PTPRO: variants seen among roughly 807,000 people sequenced by gnomAD.
PTPRO encodes the protein receptor-type tyrosine-protein phosphatase O.
In PTPRO, 62 loss-of-function variants were observed where a neutral mutation model predicts 145.2. The observed-to-expected ratio is 0.43, with a 90% CI of 0.35 to 0.53. PTPRO has a LOEUF of 0.53. PTPRO is among the 20% of genes least tolerant of loss of function. The pLI is 0.01. For missense variants in PTPRO, 1,345 were observed against 1,482.7 expected, an observed-to-expected ratio of 0.91 and a Z score of 1.53; for synonymous variants, 565 against 514.7, an observed-to-expected ratio of 1.10 and a Z score of -1.32.
rs548617779 is a variant in PTPRO, at chr12:15,421,654, A to T, written c.76-62320A>T. 2.6e-5 allele frequency among the ~76,000 whole-genome samples: 4 copies of T among 152,338 alleles called. No homozygotes were observed. In the South Asian group the frequency reaches 8.3e-4, roughly 32 times the overall value. ...AAAAGAGTGTATTATTCTGTATCAC[A>T]ATGGTATCAGATTGTTTATTTTGGA... On this transcript the variant is annotated intron_variant, in intron 1 of 26. Coordinates refer to ENST00000281171, the MANE Select transcript of PTPRO (RefSeq NM_030667.3).
chr12:15,595,088 C>T (rs1420616938), intron 26 of PTPRO, 31 bp downstream of exon 26: 1 of 1,380,058 alleles, frequency 7.2e-7, no homozygotes, highest in South Asian at 1.2e-5. Context: ...CACGAGTGCT[C>T]AGTCTTAGAA....
chr12:15,594,632 T>C (rs967278477), intron 25 of PTPRO, among the ~76,000 whole-genome samples: 4 of 152,014 alleles, frequency 2.6e-5, no homozygotes, highest in Non-Finnish European at 5.9e-5. Flanking sequence ...TCATAACATA[T>C]ATGTATATCA....
chr12:15,324,431 C>A lies in PTPRO; in HGVS notation c.75+1630C>A, dbSNP rs557492531. Among the ~76,000 whole-genome samples the A allele has an allele frequency of 2.8e-4, 42 of 152,036 alleles. No homozygotes were observed. The South Asian group carries it at 8.7e-3, about 32-fold the overall frequency. ...TGTGGCCATTGTTTGACTTAAAACT[C>A]GATATTGGAATGAGAAAATGCAGTT... On this transcript the variant is annotated intron_variant, in intron 1 of 26. Transcript: ENST00000281171.
intron 15 of PTPRO, among the ~76,000 whole-genome samples, chr12:15,556,288 G>A (rs1025584381): frequency 1.3e-5 from 2 of 152,062 alleles, no homozygotes; most frequent in Non-Finnish European, 2.9e-5. Context: ...GAAGAAAATT[G>A]TTCTTGGAAC....
chr12:15,397,590 A>G (rs1939376552), intron 1 of PTPRO, among the ~76,000 whole-genome samples: 1 of 152,092 alleles, frequency 6.6e-6, no homozygotes, highest in African/African-American at 2.4e-5. Context: ...GACATCCACA[A>G]CCCTCAGTGC....
chr12:15,432,968 A>G (rs1940485718), intron 1 of PTPRO, among the ~76,000 whole-genome samples: 1 of 151,954 alleles, frequency 6.6e-6, no homozygotes, highest in Admixed American at 6.6e-5. Context: ...CTCTGTTGAT[A>G]GTTTTCATTT....
intron 1 of PTPRO, among the ~76,000 whole-genome samples, chr12:15,437,265 A>C (rs1940623459): frequency 6.6e-6 from 1 of 151,784 alleles, no homozygotes; most frequent in African/African-American, 2.4e-5. Flanking sequence ...GAAGATCTCC[A>C]GGCATTCAGA....
chr12:15,437,503 C>T (rs1349170189), intron 1 of PTPRO, among the ~76,000 whole-genome samples: 1 of 152,142 alleles, frequency 6.6e-6, no homozygotes, highest in African/African-American at 2.4e-5. Flanking sequence ...TCTGGTTCAG[C>T]AGCCTGAGCT....
At chr12:15,358,521 G>A (rs1365666954) in intron 1 of PTPRO, among the ~76,000 whole-genome samples, 2 of 152,058 alleles carry the variant, frequency 1.3e-5, no homozygotes, top group Non-Finnish European at 2.9e-5. Flanking sequence ...CTTCAACCAC[G>A]ACCTGATATT....
intron 1 of PTPRO, among the ~76,000 whole-genome samples, chr12:15,463,457 A>G (rs1941349844): frequency 6.6e-6 from 1 of 152,198 alleles, no homozygotes; most frequent in Non-Finnish European, 1.5e-5. Context: ...GAAACAAATT[A>G]TAACATAGTC....
chr12:15,450,179 C>T (rs1941008937), intron 1 of PTPRO, among the ~76,000 whole-genome samples: 1 of 152,180 alleles, frequency 6.6e-6, no homozygotes, highest in African/African-American at 2.4e-5. Flanking sequence ...ATGGCAGTGG[C>T]CTGCATTCAG....
chr12:15,531,400 A>G (rs2136538944), intron 12 of PTPRO, among the ~76,000 whole-genome samples: 1 of 152,310 alleles, frequency 6.6e-6, no homozygotes, highest in East Asian at 1.9e-4. Context: ...GGATAAGGAA[A>G]AACAGATACT....
intron 1 of PTPRO, chr12:15,439,871 C>G: frequency 1.6e-6 from 1 of 639,634 alleles, no homozygotes; most frequent in African/African-American, 1.8e-5. Context: ...GAAGCAGACC[C>G]ACGTCGGCCA....
At chr12:15,445,147 A>AG (rs1219371083) in intron 1 of PTPRO, among the ~76,000 whole-genome samples, 1 of 152,160 alleles carries the variant, frequency 6.6e-6, no homozygotes, top group Non-Finnish European at 1.5e-5. Context: ...AAAGAACAAG[A>AG]GCAGGTTTAA....
At chr12:15,377,238 A>C (rs1241926942) in intron 1 of PTPRO, among the ~76,000 whole-genome samples, 1 of 152,142 alleles carries the variant, frequency 6.6e-6, no homozygotes, top group Admixed American at 6.5e-5. Context: ...GGTACACTAG[A>C]AAATATCTAC....
At chr12:15,471,254 C>T (rs925188418) in intron 1 of PTPRO, among the ~76,000 whole-genome samples, 5 of 152,096 alleles carry the variant, frequency 3.3e-5, no homozygotes, top group Non-Finnish European at 5.9e-5. Flanking sequence ...GTGTCGCATG[C>T]CTGTGGTCCC....
chr12:15,415,611 T>C (rs1480017013), intron 1 of PTPRO, among the ~76,000 whole-genome samples: 1 of 151,690 alleles, frequency 6.6e-6, no homozygotes, highest in Non-Finnish European at 1.5e-5. Context: ...GGTCTCGATC[T>C]CCCGACCTTG....
At chr12:15,560,048 G>T (rs1943731036) in intron 16 of PTPRO, 145 bp from the exon 17 acceptor site, 2 of 696,076 alleles carry the variant, frequency 2.9e-6, no homozygotes, top group Non-Finnish European at 5.1e-6. Context: ...ATATTTCACA[G>T]AATGGATTAA....
At chr12:15,334,381 CACAG>C (rs1866696979) in intron 1 of PTPRO, among the ~76,000 whole-genome samples, 1 of 152,064 alleles carries the variant, frequency 6.6e-6, no homozygotes, top group East Asian at 1.9e-4. Context: ...TATTATGCAA[CACAG>C]ACAGTGAGTT....
Sources: allele counts gnomAD v4.1 joint callset (sites outside exome capture counted in the v4.1 genomes callset), GRCh38; gene constraint gnomAD v4.1.1; transcripts MANE v1.5; gene names NCBI Gene and HGNC (gene_info 2026-07-23, HGNC 2026-07-21).